Variants in MYLK observed in about 807,000 individuals in gnomAD.
MYLK encodes myosin light chain kinase.
A neutral mutation model predicts 203.4 loss-of-function variants in MYLK; 106 were observed. The observed-to-expected ratio is 0.52, with a 90% CI of 0.45 to 0.61. MYLK has a LOEUF of 0.61. Ranked by LOEUF, MYLK falls within the 20% of genes least tolerant of loss-of-function variation. The probability of loss-of-function intolerance (pLI) is 0.00; values close to 1 mark genes in which losing one functional copy is unlikely to be tolerated. For missense variants in MYLK, 2,072 were observed against 2,442.3 expected (o/e 0.85, Z 3.20); for synonymous variants, 867 against 959.5 (o/e 0.90, Z 1.78).
intron 1 of MYLK, among the ~76,000 whole-genome samples, chr3:123,882,463 G>T (rs2033602820): frequency 1.3e-5 from 2 of 152,166 alleles, no homozygotes; most frequent in South Asian, 4.1e-4. Flanking sequence ...CTACAATGCT[G>T]CAGCTACCCT....
At chr3:123,804,168 A>G (rs2065290719) in intron 3 of MYLK, among the ~76,000 whole-genome samples, 1 of 152,152 alleles carries the variant, frequency 6.6e-6, no homozygotes, top group Admixed American at 6.5e-5. Flanking sequence ...CAATCACTTC[A>G]TTCTTCCTCT....
intron 1 of MYLK, among the ~76,000 whole-genome samples, chr3:123,879,829 T>G (rs1288255659): frequency 6.6e-6 from 1 of 152,140 alleles, no homozygotes; most frequent in Non-Finnish European, 1.5e-5. Flanking sequence ...TAATTTTTTG[T>G]ATTTTTAGTA....
chr3:123,745,518 A>G (rs1479158772), intron 5 of MYLK, among the ~76,000 whole-genome samples: 1 of 152,216 alleles, frequency 6.6e-6, no homozygotes, highest in East Asian at 1.9e-4. Context: ...TCCTCTTTGA[A>G]GCACTCTTTC....
rs117391914 is a variant in MYLK at position 123,819,621 on chromosome 3, C to G, written c.-4+11927G>C. On this transcript the variant is annotated intron_variant, in intron 3 of 33. Coordinates refer to ENST00000360304, the MANE Select transcript of MYLK (RefSeq NM_053025.4). ...GCAAAATAAACTCCTTTCCCATAGT[C>G]TTTATCTTAAAATGTCATCTACCCC... is the stretch of plus-strand genomic sequence containing the variant. Among the ~76,000 whole-genome samples, 211 of 152,250 alleles carry G rather than the reference C, an allele frequency of 1.4e-3. No homozygotes were observed. In the East Asian group the frequency reaches 0.038, roughly 27 times the overall value.
intron 3 of MYLK, among the ~76,000 whole-genome samples, chr3:123,822,542 G>A (rs1341461396): frequency 6.6e-6 from 1 of 152,150 alleles, no homozygotes; most frequent in African/African-American, 2.4e-5. Flanking sequence ...ACAGAGTATG[G>A]TAAAGAATCC....
chr3:123,713,758 T>G (rs1317599625), intron 13 of MYLK, among the ~76,000 whole-genome samples: 2 of 152,174 alleles, frequency 1.3e-5, no homozygotes, highest in Non-Finnish European at 2.9e-5. Context: ...ACTGGCATTC[T>G]TAACTCGTGG....
At chr3:123,776,551 GA>G (rs774446850) in intron 4 of MYLK, among the ~76,000 whole-genome samples, 6 of 152,168 alleles carry the variant, frequency 3.9e-5, no homozygotes, top group Non-Finnish European at 7.3e-5. Context: ...ACAGAGGAAT[GA>G]TTCAGTAAAT....
intron 18 of MYLK, chr3:123,698,674 G>C (rs555705870): frequency 3.7e-4 from 81 of 221,714 alleles, no homozygotes; most frequent in Non-Finnish European, 6.5e-4. Flanking sequence ...AAGTTACTGC[G>C]TCAACACATT....
chr3:123,708,097 C>A (rs2061533566), intron 15 of MYLK, 94 bp from the exon 16 acceptor site: 2 of 1,542,718 alleles, frequency 1.3e-6, no homozygotes, highest in East Asian at 2.4e-5. Context: ...GGGAAGATAG[C>A]ATGTCACCCA....
At chr3:123,659,751 A>G (rs1560031294) in intron 23 of MYLK, 1 of 511,390 alleles carries the variant, frequency 2.0e-6, no homozygotes, top group Non-Finnish European at 3.9e-6. Context: ...ACGGCGACAC[A>G]CTCAGACTGG....
chr3:123,839,159 G>A (rs956647085), intron 2 of MYLK, among the ~76,000 whole-genome samples: 1 of 151,864 alleles, frequency 6.6e-6, no homozygotes, highest in African/African-American at 2.4e-5. Context: ...GAGGATAAAA[G>A]GGACAAGAAA....
intron 2 of MYLK, among the ~76,000 whole-genome samples, chr3:123,860,954 C>A (rs2031839741): frequency 6.6e-6 from 1 of 151,988 alleles, no homozygotes; most frequent in African/African-American, 2.4e-5. Flanking sequence ...AACGGTGAAA[C>A]CCCGTCTCTA....
chr3:123,653,142 TG>T (rs2059272610), intron 24 of MYLK, among the ~76,000 whole-genome samples: 1 of 151,992 alleles, frequency 6.6e-6, no homozygotes, highest in African/African-American at 2.4e-5. Context: ...TCATGGAGTG[TG>T]GGTTAATCAG....
chr3:123,667,734 C>G (rs2059788135), intron 20 of MYLK, among the ~76,000 whole-genome samples: 2 of 152,154 alleles, frequency 1.3e-5, no homozygotes, highest in Non-Finnish European at 1.5e-5. Context: ...GTCTCTGAAG[C>G]CTCCAATGAG....
chr3:123,730,542 T>C (rs967067244), intron 11 of MYLK, among the ~76,000 whole-genome samples: 2 of 152,230 alleles, frequency 1.3e-5, no homozygotes, highest in Non-Finnish European at 2.9e-5. Context: ...CACTGTATGC[T>C]ATACCCATAC....
At chr3:123,733,209 G>A in intron 10 of MYLK, 107 bp from the exon 11 acceptor site, 3 of 1,261,268 alleles carry the variant, frequency 2.4e-6, no homozygotes, top group Non-Finnish European at 3.4e-6. Flanking sequence ...TCAGTTTGGT[G>A]TGGAGCTGCC....
intron 3 of MYLK, among the ~76,000 whole-genome samples, chr3:123,798,346 G>A (rs948366995): frequency 5.9e-5 from 9 of 152,202 alleles, no homozygotes; most frequent in African/African-American, 2.2e-4. Context: ...GCAATAGGCA[G>A]AGGGTTGGGA....
chr3:123,754,742 C>T (rs1337672983), intron 4 of MYLK, among the ~76,000 whole-genome samples: 1 of 152,176 alleles, frequency 6.6e-6, no homozygotes, highest in Non-Finnish European at 1.5e-5. Context: ...CAATAGTACA[C>T]CTGGCCTTTG....
chr3:123,644,206 T>C (rs2058934958), intron 27 of MYLK, among the ~76,000 whole-genome samples: 2 of 152,206 alleles, frequency 1.3e-5, no homozygotes, highest in Admixed American at 1.3e-4. Flanking sequence ...TCCAACAAGG[T>C]TAGCACATTG....
Sources: gnomAD v4.1 joint callset for allele counts (sites outside exome capture counted in the v4.1 genomes callset) on GRCh38, gnomAD v4.1.1 for gene constraint, MANE v1.5 for transcripts, NCBI Gene and HGNC (gene_info 2026-07-23, HGNC 2026-07-21) for gene names.